Variants in SLC16A4 observed in about 807,000 individuals in gnomAD.
The protein encoded by SLC16A4 is probable monocarboxylate transporter 5.
SLC16A4 carries 39 observed loss-of-function variants against 47.9 expected under a neutral mutation model. That is an observed-to-expected ratio of 0.81 (90% CI 0.63 to 1.06). SLC16A4 has a LOEUF of 1.06. Ranked by LOEUF, SLC16A4 falls within the 50% of genes least tolerant of loss-of-function variation. SLC16A4 has a pLI of 0.00. For synonymous variants in SLC16A4, 189 were observed against 199.9 expected (o/e 0.95, Z 0.46); for missense variants, 524 against 573.8 (o/e 0.91, Z 0.89).
intron 6 of SLC16A4, among the ~76,000 whole-genome samples, chr1:110,378,092 G>T (rs1435279315): frequency 6.6e-6 from 1 of 152,168 alleles, no homozygotes; most frequent in Admixed American, 6.5e-5. Context: ...GCCTCCCAAA[G>T]TGCTGGGATT....
chr1:110,381,676 A>C lies in SLC16A4; in HGVS notation c.340T>G (p.Cys114Gly). Residue 114 changes from cysteine to glycine, a missense_variant, in exon 4 of 9, where the codon TGT becomes GGT. Cys to Gly is a radical substitution (Grantham distance 159, BLOSUM62 -3). Transcript: ENST00000369779. ...CCGGGTAGAAGTCCCATAGTCACAC[A>C]AAGAAAAGGAATACTTGTGGCCCAG... ...SSWATSIPFL[C>G]VTMGLLPGLG... The C allele has an allele frequency of 6.2e-7, 1 of 1,612,834 alleles. No individual in the cohort carries two copies.
intron 8 of SLC16A4, among the ~76,000 whole-genome samples, chr1:110,367,153 C>T (rs1259512267): frequency 6.6e-6 from 1 of 152,206 alleles, no homozygotes; most frequent in African/African-American, 2.4e-5. Context: ...GCTATTGAAA[C>T]ATCTACTTTA....
chr1:110,385,841 T>C (rs1167971765), intron 2 of SLC16A4, among the ~76,000 whole-genome samples: 4 of 152,206 alleles, frequency 2.6e-5, no homozygotes, highest in African/African-American at 7.2e-5. Context: ...CAGGCCCCCA[T>C]TGAGGCAATT....
chr1:110,385,897 T>G (rs1370278447), intron 2 of SLC16A4, among the ~76,000 whole-genome samples: 2 of 152,182 alleles, frequency 1.3e-5, no homozygotes, highest in African/African-American at 2.4e-5. Flanking sequence ...GGCTAGAAAT[T>G]AGGTTAGAAA....
chr1:110,382,456 C>G (rs1662457633), intron 3 of SLC16A4, among the ~76,000 whole-genome samples: 1 of 149,946 alleles, frequency 6.7e-6, no homozygotes, highest in South Asian at 2.1e-4. Context: ...GAGACTGTGT[C>G]TCAAAAAAAA....
rs1662187672 is a variant in SLC16A4 at position 110,378,977 on chromosome 1, G to A, written c.906C>T (p.Tyr302=). The A allele has an allele frequency of 6.2e-7, 1 of 1,614,032 alleles. No individual in the cohort carries two copies. The highest frequency in any genetic ancestry group is 1.3e-5 in the African/African-American group (1 of 74,904). ...DISLFRNPFF[Y]IFTWSFLLSQ... ...TGAGGAGAAAAGACCAAGTAAATAT[G>A]TAGAAGAAAGGATTTCTAAAGAGAG... is the stretch of plus-strand genomic sequence containing the variant. The change falls in exon 6 of 9, where the codon TAC becomes TAT. Residue 302 remains tyrosine, a synonymous_variant. Coordinates refer to ENST00000369779, the MANE Select transcript of SLC16A4 (RefSeq NM_004696.3).
intron 8 of SLC16A4, among the ~76,000 whole-genome samples, chr1:110,374,418 T>G (rs952383057): frequency 1.3e-5 from 2 of 152,232 alleles, no homozygotes; most frequent in East Asian, 3.8e-4. Context: ...TAGGACAAGA[T>G]TAACTCCCTT....
chr1:110,381,170 ATCAC>A (rs1662358707), intron 4 of SLC16A4, 27 bp from the exon 5 acceptor site: 2 of 1,605,974 alleles, frequency 1.2e-6, no homozygotes, highest in Non-Finnish European at 1.7e-6. Context: ...ATAGTTTAGA[ATCAC>A]TCTTACATTA....
chr1:110,369,624 T>A (rs1661585891), intron 8 of SLC16A4, among the ~76,000 whole-genome samples: 1 of 152,110 alleles, frequency 6.6e-6, no homozygotes, highest in Admixed American at 6.5e-5. Context: ...AGAAGGTCCT[T>A]AATTCCAAAG....
intron 8 of SLC16A4, among the ~76,000 whole-genome samples, chr1:110,366,139 C>A (rs1661374194): frequency 1.6e-5 from 2 of 123,194 alleles, no homozygotes; most frequent in African/African-American, 5.6e-5. Flanking sequence ...CACACTCTTT[C>A]TCTCTCTCTC....
At chr1:110,386,372 A>C (rs1662734866) in intron 2 of SLC16A4, among the ~76,000 whole-genome samples, 1 of 152,234 alleles carries the variant, frequency 6.6e-6, no homozygotes, top group African/African-American at 2.4e-5. Context: ...AGACTACATA[A>C]ATCTGCATTA....
rs1661167766 is a variant in SLC16A4 at position 110,363,128 on chromosome 1, A to G, written c.*638T>C. 1.3e-5 allele frequency: 2 copies of G among 152,202 alleles called. No individual in the cohort carries two copies. Among genetic ancestry groups the G allele is most frequent in the African/African-American group, 4.8e-5 (2 of 41,450 alleles). The allele number at this position is 152,202 out of a possible 1,614,324, so 9.4% of individuals were successfully genotyped here. A position where few individuals can be genotyped will look rare whatever the true frequency, so the allele number is the denominator to read the frequency against. On this transcript the variant is annotated 3_prime_UTR_variant, in exon 9 of 9. Transcript: ENST00000369779. ...ACTTCTTTAAATTAAAAAATTTTCT[A>G]TCTTTACATATTTTAGTGACTGAAT...
chr1:110,377,587 T>A (rs1029311672), intron 6 of SLC16A4, among the ~76,000 whole-genome samples: 6 of 152,160 alleles, frequency 3.9e-5, no homozygotes, highest in Non-Finnish European at 8.8e-5. Flanking sequence ...AAGATTGGAG[T>A]ATAAATAAGT....
chr1:110,383,951 TG>T (rs151102864), intron 2 of SLC16A4, among the ~76,000 whole-genome samples: 280 of 151,922 alleles, frequency 1.8e-3, no homozygotes, highest in African/African-American at 6.3e-3. Context: ...GCAGGATGGA[TG>T]GAGTTGGTTA....
intron 2 of SLC16A4, among the ~76,000 whole-genome samples, chr1:110,385,898 A>G (rs1415630690): frequency 6.6e-6 from 1 of 152,256 alleles, no homozygotes; most frequent in Non-Finnish European, 1.5e-5. Context: ...GCTAGAAATT[A>G]GGTTAGAAAA....
chr1:110,380,541 AT>A (rs1662314011), intron 5 of SLC16A4, among the ~76,000 whole-genome samples: 1 of 143,884 alleles, frequency 7.0e-6, no homozygotes, highest in South Asian at 2.1e-4. Context: ...TTTTTTATCT[AT>A]TTCAGTGAGT....
At chr1:110,384,615 A>G (rs1313129872) in intron 2 of SLC16A4, among the ~76,000 whole-genome samples, 2 of 152,172 alleles carry the variant, frequency 1.3e-5, no homozygotes, top group Non-Finnish European at 2.9e-5. Context: ...CAGGGTTTGC[A>G]TTCACTCGTA....
intron 7 of SLC16A4, 131 bp from the exon 8 acceptor site, chr1:110,375,682 CT>C: frequency 1.8e-6 from 1 of 549,418 alleles, no homozygotes; most frequent in Non-Finnish European, 3.3e-6. Context: ...AGTTGGTTGG[CT>C]TTTTGCCCCC....
intron 8 of SLC16A4, among the ~76,000 whole-genome samples, chr1:110,364,927 A>T (rs189156911): frequency 7.7e-4 from 117 of 151,460 alleles, no homozygotes; most frequent in Middle Eastern, 3.4e-3. Context: ...TGAGTAGGTG[A>T]TAGCAAAGAA....
Sources: allele counts gnomAD v4.1 joint callset (sites outside exome capture counted in the v4.1 genomes callset), GRCh38; gene constraint gnomAD v4.1.1; transcripts MANE v1.5; gene names NCBI Gene and HGNC (gene_info 2026-07-23, HGNC 2026-07-21).